The following IBTK variants were observed in gnomAD, a reference collection of about 807,000 sequenced individuals.
IBTK encodes the protein inhibitor of Bruton tyrosine kinase.
A neutral mutation model predicts 154.9 loss-of-function variants in IBTK; 83 were observed. The ratio of observed to expected loss-of-function variants is 0.54; its 90% CI spans 0.45 to 0.64. The LOEUF (loss-of-function observed/expected upper bound fraction) is 0.64, where lower values mean the gene tolerates loss of function less well. IBTK is among the 30% of genes least tolerant of loss of function. IBTK has a pLI of 0.00. For missense variants in IBTK, 1,332 were observed against 1,584.6 expected, an observed-to-expected ratio of 0.84 and a Z score of 2.71; for synonymous variants, 515 against 536.1, an observed-to-expected ratio of 0.96 and a Z score of 0.54.
chr6:82,222,130 A>G (rs745361644), intron 8 of IBTK, among the ~76,000 whole-genome samples: 18 of 151,012 alleles, frequency 1.2e-4, no homozygotes, highest in Non-Finnish European at 2.2e-4. Context: ...AGGTCACATC[A>G]CTGTACTTCA....
At chr6:82,203,549 G>T (rs1769291034) in intron 17 of IBTK, among the ~76,000 whole-genome samples, 1 of 152,076 alleles carries the variant, frequency 6.6e-6, no homozygotes, top group African/African-American at 2.4e-5. Context: ...TTGAAGAAAT[G>T]ATAAAATTAG....
At position 82,237,661 on chromosome 6, in the gene IBTK, G is replaced by GGTAGTAGTA. The variant is rs34696525; in HGVS notation, c.321+2496_321+2504dup. ...AGTAGTAGTAGTAGAAGATAGTAGT[G>GGTAGTAGTA]GTAGTAGTAGTAGTAGTAGTAGTAG... On this transcript the variant is annotated intron_variant, in intron 2 of 28. Coordinates refer to ENST00000306270, the MANE Select transcript of IBTK (RefSeq NM_015525.4). Among the ~76,000 whole-genome samples the GGTAGTAGTA allele has an allele frequency of 1.7e-4, 24 of 143,678 alleles. No homozygotes were observed. The South Asian group carries it at 5.2e-3, about 31-fold the overall frequency. The allele number at this position is 143,678 out of a possible 152,430, so 94.3% of individuals were successfully genotyped here. A position where few individuals can be genotyped will look rare whatever the true frequency, so the allele number is the denominator to read the frequency against.
Position 82,195,923 on chromosome 6 carries a change from A to C in IBTK, c.3174+375T>G, listed in dbSNP as rs112345851. 5.4e-3 allele frequency among the ~76,000 whole-genome samples: 826 copies of C among 152,336 alleles called. 9 individuals carry two copies. Among genetic ancestry groups the C allele is most frequent in the African/African-American group, 0.019 (791 of 41,560 alleles). On this transcript the variant is annotated intron_variant, in intron 22 of 28. Coordinates refer to ENST00000306270, the MANE Select transcript of IBTK (RefSeq NM_015525.4). Reference sequence around the variant, plus strand: ...GAAAGAGACTGCGAACTTTCAAAGTAGGCTTATTTTCGAAATCATTTGCCT... The same window carrying C: ...GAAAGAGACTGCGAACTTTCAAAGTCGGCTTATTTTCGAAATCATTTGCCT...
intron 25 of IBTK, among the ~76,000 whole-genome samples, chr6:82,185,424 C>A (rs1184446969): frequency 6.6e-6 from 1 of 150,612 alleles, no homozygotes; most frequent in Admixed American, 6.6e-5. Flanking sequence ...CATGCTGATG[C>A]ACACCTGTGA....
intron 23 of IBTK, 63 bp from the exon 24 acceptor site, chr6:82,191,942 T>A: frequency 1.2e-6 from 1 of 815,784 alleles, no homozygotes; most frequent in Non-Finnish European, 2.0e-6. Context: ...AACCCCCAAC[T>A]TCACTGAAAT....
chr6:82,238,991 G>A (rs956100992), intron 2 of IBTK, among the ~76,000 whole-genome samples: 6 of 150,944 alleles, frequency 4.0e-5, no homozygotes, highest in African/African-American at 1.5e-4. Context: ...GGCCCACCTC[G>A]GCCTCCAAAG....
intron 21 of IBTK, among the ~76,000 whole-genome samples, chr6:82,198,682 T>C (rs566438834): frequency 3.0e-4 from 45 of 152,262 alleles, no homozygotes; most frequent in African/African-American, 1.1e-3. Context: ...TGAAGTACTG[T>C]TAGCAGAAAC....
At chr6:82,230,451 G>GA (rs527540703) in intron 4 of IBTK, among the ~76,000 whole-genome samples, 40 of 152,200 alleles carry the variant, frequency 2.6e-4, no homozygotes, top group Admixed American at 2.3e-3. Context: ...TAATTCTGGA[G>GA]AAGAATATTA....
intron 26 of IBTK, among the ~76,000 whole-genome samples, chr6:82,176,470 GAGA>G (rs1200053676): frequency 6.8e-6 from 1 of 146,120 alleles, no homozygotes; most frequent in Non-Finnish European, 1.5e-5. Flanking sequence ...GCAGTGAGCG[GAGA>G]TCACGCCATT....
chr6:82,205,356 C>A (rs1262745496), intron 16 of IBTK: 1 of 153,982 alleles, frequency 6.5e-6, no homozygotes, highest in Non-Finnish European at 1.4e-5. Flanking sequence ...AGTCAAATCT[C>A]AGCATCACAC....
At chr6:82,186,016 T>A (rs1768542884) in intron 25 of IBTK, among the ~76,000 whole-genome samples, 3 of 152,210 alleles carry the variant, frequency 2.0e-5, no homozygotes, top group African/African-American at 7.2e-5. Flanking sequence ...TATTTCAAAC[T>A]TTTTCATTAT....
In IBTK at chr6:82,173,419, G is replaced by C. The variant is rs752488343; in HGVS notation, c.3745C>G (p.Pro1249Ala). The C allele has an allele frequency of 2.5e-6, 4 of 1,613,336 alleles. No homozygotes were observed. The highest frequency in any genetic ancestry group is 3.4e-6 in the Non-Finnish European group (4 of 1,179,510). Reference sequence around the variant, plus strand: ...GAAATATGGTTGCCTTCTGGTCCTGGGGTACCATGGGTAGAGCATCTGCAA... The same window carrying C: ...GAAATATGGTTGCCTTCTGGTCCTGCGGTACCATGGGTAGAGCATCTGCAA... ...KIVRCSTHGT[P>A]GPEGNHISDL... The change falls in exon 27 of 29, where the codon CCA becomes GCA. Residue 1249 changes from proline (P) to alanine (A), a missense_variant. Around this residue, in one of 3 missense-constraint regions of IBTK, gnomAD observed 1,134 missense variants for 1,274.7 expected, o/e 0.89. Coordinates refer to ENST00000306270, the MANE Select transcript of IBTK (RefSeq NM_015525.4).
intron 22 of IBTK, among the ~76,000 whole-genome samples, chr6:82,196,026 CAT>C (rs1264033804): frequency 6.6e-6 from 1 of 152,122 alleles, no homozygotes. Flanking sequence ...ATTTTTTCAA[CAT>C]GTCTATAGTG....
intron 6 of IBTK, among the ~76,000 whole-genome samples, chr6:82,224,537 A>G (rs757546662): frequency 6.6e-6 from 1 of 152,258 alleles, no homozygotes; most frequent in Non-Finnish European, 1.5e-5. Flanking sequence ...TCTAAATTAG[A>G]TATTTCCATG....
At position 82,234,171 on chromosome 6, in the gene IBTK, A is replaced by T. The variant is rs751666350; in HGVS notation, c.406T>A (p.Phe136Ile). ...VMKDRPTHVV[F>I]KNTDPTDVYT... ...GAAATTTTCTTACCAGTATTCTTGA[A>T]TACTACATGAGTTGGTCTATCCTTC... is the stretch of plus-strand genomic sequence containing the variant. Residue 136 changes from phenylalanine to isoleucine, a missense_variant, in exon 3 of 29, where the codon TTC (phenylalanine) becomes ATC (isoleucine). Phe to Ile is a conservative substitution (Grantham distance 21, BLOSUM62 0). Transcript: ENST00000306270. 6.3e-7 allele frequency: 1 copy of T among 1,583,320 alleles called. No homozygotes were observed. Among genetic ancestry groups the T allele is most frequent in the Non-Finnish European group, 8.7e-7 (1 of 1,155,774 alleles).
intron 25 of IBTK, among the ~76,000 whole-genome samples, chr6:82,190,411 G>A (rs1379208295): frequency 6.6e-6 from 1 of 152,120 alleles, no homozygotes; most frequent in Non-Finnish European, 1.5e-5. Flanking sequence ...TAGTTCTCCA[G>A]TATTGGTTTC....
Position 82,220,573 on chromosome 6 carries a change from C to A in IBTK, c.1248+17G>T. On this transcript the variant is annotated intron_variant, in intron 9 of 28. Transcript: ENST00000306270. ...AACTGAGAGTAAGATTACACTTTTA[C>A]ATAAACATGTACTTACCCTTCCAGC... The A allele has an allele frequency of 6.3e-7, 1 of 1,584,888 alleles. No individual in the cohort carries two copies. The highest frequency in any genetic ancestry group is 1.9e-5 in the Admixed American group (1 of 52,388).
chr6:82,197,368 T>G (rs943563281), intron 21 of IBTK, among the ~76,000 whole-genome samples: 1 of 119,344 alleles, frequency 8.4e-6, no homozygotes, highest in Non-Finnish European at 1.7e-5. Flanking sequence ...ACACAATCTT[T>G]TTGAATTTTT....
chr6:82,178,741 A>G (rs1768206933), intron 26 of IBTK, among the ~76,000 whole-genome samples: 1 of 152,262 alleles, frequency 6.6e-6, no homozygotes, highest in Non-Finnish European at 1.5e-5. Flanking sequence ...ATGAGAACAA[A>G]CAACAGCAAA....
Sources: allele counts gnomAD v4.1 joint callset (sites outside exome capture counted in the v4.1 genomes callset), GRCh38; gene constraint gnomAD v4.1.1; regional missense constraint gnomAD v4.1.1; transcripts MANE v1.5; gene names NCBI Gene and HGNC (gene_info 2026-07-23, HGNC 2026-07-21).